The following GRIK3 variants were observed in gnomAD, a reference collection of about 807,000 sequenced individuals.
GRIK3 encodes glutamate ionotropic receptor kainate type subunit 3, also known as glutamate receptor ionotropic, kainate 3.
Under a neutral mutation model 102.5 loss-of-function variants are expected in GRIK3, and 29 were observed. That is an observed-to-expected ratio of 0.28 (90% CI 0.21 to 0.39). The LOEUF (loss-of-function observed/expected upper bound fraction) is 0.39, where lower values mean the gene tolerates loss of function less well. Ranked by LOEUF, GRIK3 falls within the 10% of genes least tolerant of loss-of-function variation. GRIK3 has a pLI of 1.00. For synonymous variants in GRIK3, 511 were observed against 504.9 expected (o/e 1.01, Z -0.16); for missense variants, 908 against 1,252.4 (o/e 0.73, Z 4.15).
intron 7 of GRIK3, among the ~76,000 whole-genome samples, chr1:36,856,386 G>A (rs1640651899): frequency 6.6e-6 from 1 of 152,210 alleles, no homozygotes; most frequent in African/African-American, 2.4e-5. Flanking sequence ...TTCCTGCGCT[G>A]CCCGCCCCCT....
intron 1 of GRIK3, among the ~76,000 whole-genome samples, chr1:37,019,116 C>G (rs1187621858): frequency 1.3e-5 from 2 of 152,186 alleles, no homozygotes; most frequent in Non-Finnish European, 2.9e-5. Flanking sequence ...GACTATGTCC[C>G]TTGGAGACTT....
chr1:37,028,428 T>C (rs572382649), intron 1 of GRIK3, among the ~76,000 whole-genome samples: 20 of 152,164 alleles, frequency 1.3e-4, no homozygotes, highest in African/African-American at 4.8e-4. Context: ...ATGTAGTACA[T>C]GGAAGGATGT....
chr1:37,009,474 C>A (rs1642566318), intron 1 of GRIK3, among the ~76,000 whole-genome samples: 1 of 152,188 alleles, frequency 6.6e-6, no homozygotes, highest in Admixed American at 6.5e-5. Flanking sequence ...AGGGAGCTCG[C>A]CGAAGCGAAG....
intron 1 of GRIK3, among the ~76,000 whole-genome samples, chr1:36,987,814 A>T (rs1186200905): frequency 1.3e-5 from 2 of 152,144 alleles, no homozygotes; most frequent in African/African-American, 2.4e-5. Flanking sequence ...GGCAAGTCTT[A>T]AGTTCCAGAC....
intron 1 of GRIK3, among the ~76,000 whole-genome samples, chr1:36,923,128 T>C (rs1303342343): frequency 6.6e-6 from 1 of 152,210 alleles, no homozygotes; most frequent in Non-Finnish European, 1.5e-5. Flanking sequence ...GGCAGTCGAG[T>C]GGCAAAGAAA....
At chr1:36,977,956 G>A (rs1642212011) in intron 1 of GRIK3, among the ~76,000 whole-genome samples, 1 of 152,254 alleles carries the variant, frequency 6.6e-6, no homozygotes, top group South Asian at 2.1e-4. Context: ...GGGACCCAAT[G>A]GGGCTGCTCT....
chr1:36,824,409 G>A (rs1570745168), intron 11 of GRIK3, among the ~76,000 whole-genome samples: 1 of 152,154 alleles, frequency 6.6e-6, no homozygotes, highest in African/African-American at 2.4e-5. Flanking sequence ...CGGCTGCTGC[G>A]CCCACCAGGC....
chr1:36,903,329 G>A (rs1389753834), intron 1 of GRIK3, among the ~76,000 whole-genome samples: 1 of 152,192 alleles, frequency 6.6e-6, no homozygotes, highest in Non-Finnish European at 1.5e-5. Flanking sequence ...CCAAAGTCTG[G>A]CAAGGATGCG....
intron 1 of GRIK3, among the ~76,000 whole-genome samples, chr1:36,895,609 C>A (rs1641163841): frequency 6.6e-6 from 1 of 151,966 alleles, no homozygotes; most frequent in African/African-American, 2.4e-5. Context: ...AGCAGAAAGA[C>A]TGGAAGAAGA....
intron 2 of GRIK3, 29 bp downstream of exon 2, chr1:36,890,891 G>A: frequency 6.4e-7 from 1 of 1,552,714 alleles, no homozygotes; most frequent in African/African-American, 1.4e-5. Flanking sequence ...AGGCTGGGAA[G>A]AGAACAGAGG....
At position 36,797,804 on chromosome 1, in the gene GRIK3, AC is replaced by A. The variant is rs1642384966; in HGVS notation, c.*4046del. ...GCAGGAGCTGTGACCCACCCCCCAC[AC>A]CCAGTACCCCTGGAAAAGTAGGCAG... On this transcript the variant is annotated 3_prime_UTR_variant, in exon 16 of 16. Transcript: ENST00000373091. 1 of 152,158 alleles carries A rather than the reference AC, an allele frequency of 6.6e-6. No homozygotes were observed. The highest frequency in any genetic ancestry group is 1.5e-5 in the Non-Finnish European group (1 of 68,124). 9.4% of individuals were successfully genotyped at this position (152,158 alleles called of 1,614,324 possible). A position where few individuals can be genotyped will look rare whatever the true frequency, so the allele number is the denominator to read the frequency against.
chr1:36,814,104 C>T (rs541616895), intron 13 of GRIK3, among the ~76,000 whole-genome samples: 23 of 152,214 alleles, frequency 1.5e-4, no homozygotes, highest in African/African-American at 4.6e-4. Context: ...GCCATTTGCA[C>T]GGAAGGTGGG....
At chr1:36,957,328 T>C (rs1227129762) in intron 1 of GRIK3, among the ~76,000 whole-genome samples, 1 of 127,614 alleles carries the variant, frequency 7.8e-6, no homozygotes, top group African/African-American at 3.2e-5. Context: ...TTGTGCCCCG[T>C]GAGCCTGTGT....
chr1:36,972,444 G>C (rs1461649362), intron 1 of GRIK3, among the ~76,000 whole-genome samples: 1 of 152,220 alleles, frequency 6.6e-6, no homozygotes, highest in Non-Finnish European at 1.5e-5. Flanking sequence ...ATATGATCTT[G>C]TCCCTGAATT....
rs768631543 is a variant in GRIK3 at position 36,872,408 on chromosome 1, C to T, written c.551-39G>A. ...GAGCACAAAAGACACACGTGTACCA[C>T]ATGTATCCACAGCTCCAGGCATCCA... On this transcript the variant is annotated intron_variant, in intron 3 of 15. Coordinates refer to ENST00000373091, the MANE Select transcript of GRIK3 (RefSeq NM_000831.4). The surrounding 1 kb of genome is among the most constrained non-coding windows in gnomAD (Gnocchi z 5.9). The T allele has an allele frequency of 6.8e-7, 1 of 1,467,574 alleles. No homozygotes were observed. The highest frequency in any genetic ancestry group is 9.3e-7 in the Non-Finnish European group (1 of 1,079,972). 90.9% of individuals were successfully genotyped at this position (1,467,574 alleles called of 1,614,324 possible).
chr1:36,923,862 T>C (rs1196679867), intron 1 of GRIK3, among the ~76,000 whole-genome samples: 11 of 152,036 alleles, frequency 7.2e-5, no homozygotes, highest in Non-Finnish European at 1.5e-4. Flanking sequence ...CCTATGTGTC[T>C]ATCTGGTTGG....
intron 8 of GRIK3, among the ~76,000 whole-genome samples, chr1:36,851,316 T>C (rs1640582104): frequency 6.6e-6 from 1 of 152,258 alleles, no homozygotes; most frequent in Non-Finnish European, 1.5e-5. Context: ...GGATCAGCTA[T>C]GACCCGGCTT....
intron 7 of GRIK3, among the ~76,000 whole-genome samples, 156 bp from the exon 8 acceptor site, chr1:36,853,878 C>T (rs1018112250): frequency 1.1e-4 from 17 of 152,142 alleles, no homozygotes; most frequent in African/African-American, 2.9e-4. Context: ...GCTCGGGCTG[C>T]GGTGTGAGCC....
At chr1:36,820,041 G>T (rs1452641079) in intron 11 of GRIK3, among the ~76,000 whole-genome samples, 187 bp from the exon 12 acceptor site, 2 of 152,196 alleles carry the variant, frequency 1.3e-5, no homozygotes, top group Admixed American at 1.3e-4. Context: ...TGGTTATAAA[G>T]GTAATTCACC....
Sources: allele counts gnomAD v4.1 joint callset (sites outside exome capture counted in the v4.1 genomes callset), GRCh38; gene constraint gnomAD v4.1.1; non-coding constraint Gnocchi (gnomAD v3.1); transcripts MANE v1.5; gene names NCBI Gene and HGNC (gene_info 2026-07-23, HGNC 2026-07-21).